CACNG7: variants seen among roughly 807,000 people sequenced by gnomAD.
CACNG7 encodes calcium voltage-gated channel auxiliary subunit gamma 7.
Under a neutral mutation model 26.3 loss-of-function variants are expected in CACNG7, and 9 were observed. The ratio of observed to expected loss-of-function variants is 0.34; its 90% CI spans 0.21 to 0.60. The LOEUF (loss-of-function observed/expected upper bound fraction) is 0.60, where lower values mean the gene tolerates loss of function less well. CACNG7 is among the 20% of genes least tolerant of loss of function. The probability of loss-of-function intolerance (pLI) is 0.81; values close to 1 mark genes in which losing one functional copy is unlikely to be tolerated. For missense variants in CACNG7, 297 were observed against 380.4 expected, an observed-to-expected ratio of 0.78 and a Z score of 1.82; for synonymous variants, 170 against 157.0, an observed-to-expected ratio of 1.08 and a Z score of -0.62.
intron 4 of CACNG7, among the ~76,000 whole-genome samples, chr19:53,925,011 T>TC (rs201781337): frequency 5.1e-4 from 32 of 63,280 alleles, no homozygotes; most frequent in East Asian, 1.1e-3. Context: ...CCAGGTCTGG[T>TC]ATTGGTGGAC....
Position 53,912,987 on chromosome 19 carries a change from G to A in CACNG7, c.156G>A (p.Met52Ile), listed in dbSNP as rs1190362337. 8 of 1,613,024 alleles carry A rather than the reference G, an allele frequency of 5.0e-6. No individual in the cohort carries two copies. Among genetic ancestry groups the A allele is most frequent in the Non-Finnish European group, 6.8e-6 (8 of 1,179,246 alleles). ...LPQNQTTEVK[M>I]ALHAGLWRVC... is the part of the protein sequence containing the mutation. ...AGAACCAGACCACCGAGGTCAAGAT[G>A]GCCCTGCACGCCGGCCTCTGGCGAG... Residue 52 changes from methionine (M) to isoleucine (I), a missense_variant, in exon 2 of 6, where the codon ATG (methionine) becomes ATA (isoleucine). Met to Ile is a conservative substitution (Grantham distance 10). Coordinates refer to ENST00000391767, the MANE Select transcript of CACNG7 (RefSeq NM_031896.5). The surrounding 1 kb of genome is among the most constrained non-coding windows in gnomAD (Gnocchi z 4.6).
At chr19:53,926,692 C>T (rs975671632) in intron 4 of CACNG7, among the ~76,000 whole-genome samples, 1 of 152,036 alleles carries the variant, frequency 6.6e-6, no homozygotes, top group Non-Finnish European at 1.5e-5. Context: ...GTGGGTGGAT[C>T]ACTTGAGGTC....
At chr19:53,920,750 T>G (rs1459683671) in intron 4 of CACNG7, among the ~76,000 whole-genome samples, 3 of 110,958 alleles carry the variant, frequency 2.7e-5, no homozygotes. Context: ...TTGGTGGAGT[T>G]GCCCCAGGTC....
In CACNG7 at chr19:53,942,112, T is replaced by C; in HGVS notation, c.647T>C (p.Phe216Ser). 6.2e-7 allele frequency: 1 copy of C among 1,613,982 alleles called. No homozygotes were observed. Among genetic ancestry groups the C allele is most frequent in the South Asian group, 1.1e-5 (1 of 91,080 alleles). ...EEEMYRPHPAFYRPRLSDCSD... is the reference protein window; with the variant it reads ...EEEMYRPHPASYRPRLSDCSD... ...GAGATGTACCGTCCACACCCGGCCT[T>C]CTACCGCCCGCGTCTCAGCGACTGC... Residue 216 changes from phenylalanine (F) to serine (S), a missense_variant, in exon 6 of 6, where the codon TTC becomes TCC. Transcript: ENST00000391767. This position sits in a 1 kb window ranked among gnomAD's most constrained non-coding sequence, Gnocchi z 5.9.
Position 53,922,930 on chromosome 19 carries a change from TCCCAGGTCTGGTCATTGGTGGAGTTGC to T in CACNG7, c.424+7452_424+7478del, listed in dbSNP as rs1568775774. Among the ~76,000 whole-genome samples the T allele has an allele frequency of 3.2e-4, 22 of 68,684 alleles. 3 individuals carry two copies. Among genetic ancestry groups the T allele is most frequent in the Admixed American group, 1.8e-3 (15 of 8,120 alleles). The allele number at this position is 68,684 out of a possible 152,430, so 45.1% of individuals were successfully genotyped here. ...CCAGGCCTGGTCATTGGTGGAGTTG[TCCCAGGTCTGGTCATTGGTGGAGTTGC>T]CCCAGGTCTGGTCATTGGTGGAGTT... On this transcript the variant is annotated intron_variant, in intron 4 of 5. Transcript: ENST00000391767.
At chr19:53,916,534 G>C (rs2068899688) in intron 4 of CACNG7, among the ~76,000 whole-genome samples, 1 of 140,912 alleles carries the variant, frequency 7.1e-6, no homozygotes. Flanking sequence ...TGTTGCCCAG[G>C]CTGGAGTACA....
At position 53,923,879 on chromosome 19, in the gene CACNG7, C is replaced by T. The variant is rs75528615; in HGVS notation, c.424+8374C>T. Among the ~76,000 whole-genome samples, 232 of 58,886 alleles carry T rather than the reference C, an allele frequency of 3.9e-3. 1 individual carries two copies. The highest frequency in any genetic ancestry group is 0.014 in the African/African-American group (166 of 12,234). The allele number at this position is 58,886 out of a possible 152,430, so 38.6% of individuals were successfully genotyped here. A position where few individuals can be genotyped will look rare whatever the true frequency, so the allele number is the denominator to read the frequency against. ...TGGTCATTGGTGGAGTTGCCCCAGGCCTGGTCATTGGTGGAGTTGCCCCAG... is the reference window on the plus strand; with the variant it reads ...TGGTCATTGGTGGAGTTGCCCCAGGTCTGGTCATTGGTGGAGTTGCCCCAG... On this transcript the variant is annotated intron_variant, in intron 4 of 5. Coordinates refer to ENST00000391767, the MANE Select transcript of CACNG7 (RefSeq NM_031896.5).
At chr19:53,915,530 G>C (rs202017942) in intron 4 of CACNG7, 25 bp downstream of exon 4, 8 of 1,612,318 alleles carry the variant, frequency 5.0e-6, no homozygotes, top group South Asian at 3.3e-5. Context: ...TTGGGGGTTG[G>C]GGGGGACCAT....
intron 4 of CACNG7, among the ~76,000 whole-genome samples, chr19:53,920,686 A>T (rs1158893246): frequency 1.9e-5 from 2 of 104,976 alleles, no homozygotes; most frequent in Admixed American, 1.8e-4. Context: ...AGGTCTGGTC[A>T]TTGGTGGACT....
chr19:53,935,634 CTTTT>C (rs59884893), intron 4 of CACNG7, among the ~76,000 whole-genome samples: 9 of 42,258 alleles, frequency 2.1e-4, no homozygotes, highest in Admixed American at 1.8e-3. Context: ...CCAATACTGT[CTTTT>C]TTTTTTTTTT....
At chr19:53,918,044 A>G (rs1004288325) in intron 4 of CACNG7, among the ~76,000 whole-genome samples, 3 of 152,208 alleles carry the variant, frequency 2.0e-5, no homozygotes, top group African/African-American at 7.2e-5. Context: ...CCTAGCATTC[A>G]TTTCACAGGC....
chr19:53,925,947 T>C (rs900222845), intron 4 of CACNG7, among the ~76,000 whole-genome samples: 1 of 152,188 alleles, frequency 6.6e-6, no homozygotes, highest in African/African-American at 2.4e-5. Flanking sequence ...GGCATTGGTT[T>C]TTTTCCAGGT....
intron 4 of CACNG7, among the ~76,000 whole-genome samples, chr19:53,935,470 A>G (rs576450058): frequency 6.8e-4 from 103 of 150,870 alleles, no homozygotes; most frequent in African/African-American, 2.4e-3. Context: ...CTACAGGCTA[A>G]TGCCACCACG....
intron 4 of CACNG7, among the ~76,000 whole-genome samples, chr19:53,935,634 C>CTTTTTTTTTTTTTTTTT (rs59884893): frequency 4.7e-5 from 2 of 42,260 alleles, no homozygotes; most frequent in Non-Finnish European, 3.8e-5. Flanking sequence ...CCAATACTGT[C>CTTTTTTTTTTTTTTTTT]TTTTTTTTTT....
At chr19:53,920,372 G>C (rs1260977464) in intron 4 of CACNG7, among the ~76,000 whole-genome samples, 1 of 115,182 alleles carries the variant, frequency 8.7e-6, no homozygotes, top group Non-Finnish European at 1.7e-5. Flanking sequence ...GTCATTGGTG[G>C]AGTTGCCTCA....
Position 53,909,365 on chromosome 19 carries a change from G to C in CACNG7, c.-182G>C, listed in dbSNP as rs967085203. ...CGCGGGGGGTGGGGGGTGGGAGGCC[G>C]GGAGGGGGCCGGGACGCCGGGCTCC... On this transcript the variant is annotated 5_prime_UTR_variant, in exon 1 of 6. Coordinates refer to ENST00000391767, the MANE Select transcript of CACNG7 (RefSeq NM_031896.5). The surrounding 1 kb of genome is among the most constrained non-coding windows in gnomAD (Gnocchi z 5.1). The C allele has an allele frequency of 2.7e-4, 41 of 149,942 alleles. No individual in the cohort carries two copies. Among genetic ancestry groups the C allele is most frequent in the Non-Finnish European group, 2.7e-4 (18 of 66,980 alleles). 9.3% of individuals were successfully genotyped at this position (149,942 alleles called of 1,614,324 possible).
At chr19:53,921,017 G>GT (rs1346097883) in intron 4 of CACNG7, among the ~76,000 whole-genome samples, 1 of 75,510 alleles carries the variant, frequency 1.3e-5, no homozygotes, top group Non-Finnish European at 2.4e-5. Flanking sequence ...TGGTGGAGTT[G>GT]CCCCAGGCTG....
At chr19:53,931,741 T>C (rs940647471) in intron 4 of CACNG7, among the ~76,000 whole-genome samples, 17 of 149,488 alleles carry the variant, frequency 1.1e-4, no homozygotes, top group Non-Finnish European at 2.2e-4. Context: ...CACTACTATT[T>C]GTTTTTAACA....
intron 4 of CACNG7, among the ~76,000 whole-genome samples, chr19:53,932,018 T>C (rs193301850): frequency 0.012 from 1,804 of 151,534 alleles, 41 homozygotes; most frequent in African/African-American, 0.041. Flanking sequence ...GCCTCAGCCT[T>C]CCAAAGTGCT....
Sources: gnomAD v4.1 joint callset for allele counts (sites outside exome capture counted in the v4.1 genomes callset) on GRCh38, gnomAD v4.1.1 for gene constraint, Gnocchi (gnomAD v3.1) non-coding constraint, MANE v1.5 for transcripts, NCBI Gene and HGNC (gene_info 2026-07-23, HGNC 2026-07-21) for gene names.